SV2C: variants seen among roughly 807,000 people sequenced by gnomAD.
The protein encoded by SV2C is synaptic vesicle glycoprotein 2C, also known as solute carrier family 22 member B3.
SV2C carries 49 observed loss-of-function variants against 79.7 expected under a neutral mutation model. The observed-to-expected ratio is 0.61, with a 90% CI of 0.49 to 0.78. SV2C has a LOEUF of 0.78. Among genes scored for constraint, SV2C ranks in the 30% least tolerant of loss-of-function variants. The pLI, the probability that SV2C is intolerant of heterozygous loss-of-function variation, is 0.00. For missense variants in SV2C, 833 were observed against 912.9 expected (o/e 0.91, Z 1.13); for synonymous variants, 334 against 333.2 (o/e 1.00, Z -0.03).
chr5:76,181,676 G>A (rs1439408499), intron 2 of SV2C, among the ~76,000 whole-genome samples: 1 of 151,886 alleles, frequency 6.6e-6, no homozygotes, highest in East Asian at 1.9e-4. Flanking sequence ...CAGCACTAGG[G>A]GGATAGGGCT....
chr5:75,853,532 G>C, the SV2C span, among the ~76,000 whole-genome samples: 1 of 133,920 alleles, frequency 7.5e-6, no homozygotes, highest in Non-Finnish European at 1.5e-5. Flanking sequence ...CTCCAGCCTG[G>C]GCAGCACAGC....
chr5:75,883,338 T>A, the SV2C span, among the ~76,000 whole-genome samples: 1 of 144,772 alleles, frequency 6.9e-6, no homozygotes, highest in Non-Finnish European at 1.5e-5. Flanking sequence ...ATCCCATTAC[T>A]GGGTATATAC....
Position 76,325,585 on chromosome 5 carries a change from T to C in SV2C, c.*38T>C. ...CCATCCTTCCTGCGTTTCTTCCTCCTGCCCTGGGTCAATTCTCCTTCCTGA... is the reference window on the plus strand; with the variant it reads ...CCATCCTTCCTGCGTTTCTTCCTCCCGCCCTGGGTCAATTCTCCTTCCTGA... On this transcript the variant is annotated 3_prime_UTR_variant, in exon 13 of 13. Coordinates refer to ENST00000502798, the MANE Select transcript of SV2C (RefSeq NM_014979.4). The C allele has an allele frequency of 1.2e-6, 2 of 1,606,642 alleles. No individual in the cohort carries two copies. Among genetic ancestry groups the C allele is most frequent in the Non-Finnish European group, 1.7e-6 (2 of 1,176,594 alleles).
In SV2C at chr5:76,325,463, C is replaced by G. The variant is rs377649822; in HGVS notation, c.2100C>G (p.Pro700=). 1 of 1,614,178 alleles carries G rather than the reference C, an allele frequency of 6.2e-7. No individual in the cohort carries two copies. Residue 700 remains proline, a synonymous_variant, in exon 13 of 13, where the codon CCC becomes CCG. Coordinates refer to ENST00000502798, the MANE Select transcript of SV2C (RefSeq NM_014979.4). The part of the protein sequence containing the change: ...GSLVSITKSI[P]ILLASTVLVC... ...TGGTCAGCATCACCAAATCAATCCC[C>G]ATCCTGCTGGCTTCTACTGTGCTCG...
intron 3 of SV2C, among the ~76,000 whole-genome samples, chr5:76,208,182 C>T (rs772083993): frequency 1.3e-5 from 2 of 152,188 alleles, no homozygotes; most frequent in Non-Finnish European, 2.9e-5. Flanking sequence ...CTAAGAAACA[C>T]ACTGTGACCC....
the SV2C span, among the ~76,000 whole-genome samples, chr5:76,010,745 G>C: frequency 2.8e-4 from 43 of 152,242 alleles, no homozygotes; most frequent in African/African-American, 9.4e-4. Context: ...AAGGAAAAAA[G>C]GGTCCAGGCA....
chr5:75,937,891 G>A, the SV2C span, among the ~76,000 whole-genome samples: 30 of 140,522 alleles, frequency 2.1e-4, no homozygotes, highest in South Asian at 1.8e-3. Context: ...TTTTTTTTGC[G>A]TTTTCATCTT....
the SV2C span, among the ~76,000 whole-genome samples, chr5:75,926,360 G>A: frequency 6.6e-6 from 1 of 152,062 alleles, no homozygotes; most frequent in African/African-American, 2.4e-5. Flanking sequence ...AAGACAGGAG[G>A]GATTTGGGAC....
intron 12 of SV2C, among the ~76,000 whole-genome samples, chr5:76,340,924 ATT>A (rs56102200): frequency 3.6e-5 from 4 of 111,940 alleles, no homozygotes; most frequent in Non-Finnish European, 3.5e-5. Context: ...GTTTTACAAA[ATT>A]TTTTTTTTTT....
chr5:76,301,745 C>T (rs532504659), intron 12 of SV2C, among the ~76,000 whole-genome samples, 200 bp downstream of exon 12: 1 of 152,022 alleles, frequency 6.6e-6, no homozygotes, highest in African/African-American at 2.4e-5. Context: ...CTCGTCTCTA[C>T]TTAAAATACA....
the SV2C span, among the ~76,000 whole-genome samples, chr5:75,952,052 A>T: frequency 1.3e-5 from 2 of 151,980 alleles, no homozygotes; most frequent in Non-Finnish European, 2.9e-5. Flanking sequence ...TAGCCCAAAG[A>T]ACTTATGAGT....
rs1255493143 is a variant in SV2C at position 76,291,774 on chromosome 5, T to C, written c.1255T>C (p.Leu419=). The change falls in exon 8 of 13, where the codon TTG becomes CTG. Residue 419 remains leucine (L), a synonymous_variant. Transcript: ENST00000502798. ...RIRTELYGIW[L]TFMRCFNYPV... is the part of the protein sequence containing the mutation. ...ACTCTCTAATATTTCACAGATTTGG[T>C]TGACTTTTATGAGATGTTTCAACTA... is the stretch of plus-strand genomic sequence containing the variant. 4 of 1,607,820 alleles carry C rather than the reference T, an allele frequency of 2.5e-6. No homozygotes were observed. In the African/African-American group the frequency reaches 5.3e-5, roughly 21 times the overall value.
intron 4 of SV2C, among the ~76,000 whole-genome samples, chr5:76,222,581 A>T (rs984561592): frequency 6.6e-6 from 1 of 152,214 alleles, no homozygotes; most frequent in Non-Finnish European, 1.5e-5. Flanking sequence ...ATAAAACAGA[A>T]CTATATACAC....
chr5:76,348,823 A>C (rs1250741013), intron 12 of SV2C, among the ~76,000 whole-genome samples: 1 of 151,910 alleles, frequency 6.6e-6, no homozygotes, highest in African/African-American at 2.4e-5. Flanking sequence ...AGATGGTGAA[A>C]CCCCATCTCT....
At chr5:75,987,072 CA>C in the SV2C span, among the ~76,000 whole-genome samples, 1 of 151,922 alleles carries the variant, frequency 6.6e-6, no homozygotes, top group South Asian at 2.1e-4. Context: ...ACATTGTGTC[CA>C]TGGGACTTTG....
the SV2C span, among the ~76,000 whole-genome samples, chr5:75,886,755 C>A: frequency 6.6e-6 from 1 of 151,928 alleles, no homozygotes; most frequent in Non-Finnish European, 1.5e-5. Flanking sequence ...GGTCGAGGGG[C>A]GGTGGGGTGG....
chr5:76,030,278 T>TG, the SV2C span, among the ~76,000 whole-genome samples: 2 of 116,910 alleles, frequency 1.7e-5, no homozygotes, highest in African/African-American at 7.0e-5. Context: ...TTTTTTTTTT[T>TG]TTTTTTTTTT....
At chr5:76,180,898 T>A (rs565245520) in intron 2 of SV2C, among the ~76,000 whole-genome samples, 42 of 152,196 alleles carry the variant, frequency 2.8e-4, no homozygotes, top group Non-Finnish European at 6.0e-4. Context: ...CGTCTAAATG[T>A]CACCATCCTC....
At chr5:76,300,675 C>T in intron 10 of SV2C, 54 bp from the exon 11 acceptor site, 4 of 1,556,492 alleles carry the variant, frequency 2.6e-6, no homozygotes, top group Non-Finnish European at 3.5e-6. Flanking sequence ...CTTTCTTATA[C>T]TGGTGCATGC....
Sources: gnomAD v4.1 joint callset for allele counts (sites outside exome capture counted in the v4.1 genomes callset) on GRCh38, gnomAD v4.1.1 for gene constraint, MANE v1.5 for transcripts, NCBI Gene and HGNC (gene_info 2026-07-23, HGNC 2026-07-21) for gene names.